Variants in GABRB1 observed in about 807,000 individuals in gnomAD.
The protein encoded by GABRB1 is gamma-aminobutyric acid type A receptor subunit beta1, also known as gamma-aminobutyric acid receptor subunit beta-1.
Under a neutral mutation model 51.6 loss-of-function variants are expected in GABRB1, and 17 were observed. That is an observed-to-expected ratio of 0.33 (90% confidence interval 0.23 to 0.49). GABRB1 has a LOEUF of 0.49. GABRB1 is among the 20% of genes least tolerant of loss of function. The pLI, the probability that GABRB1 is intolerant of heterozygous loss-of-function variation, is 0.99. For synonymous variants in GABRB1, 247 were observed against 218.9 expected (o/e 1.13, Z -1.14); for missense variants, 410 against 600.6 (o/e 0.68, Z 3.32).
intron 4 of GABRB1, among the ~76,000 whole-genome samples, chr4:47,188,035 C>T (rs534666918): frequency 1.8e-4 from 27 of 151,894 alleles, no homozygotes; most frequent in African/African-American, 5.6e-4. Context: ...TTTCAAATCA[C>T]GTATTTGTTG....
chr4:47,032,940 G>GA, intron 3 of GABRB1: 36 of 335,110 alleles, frequency 1.1e-4, no homozygotes, highest in Non-Finnish European at 1.8e-4. Context: ...CCAAGGCCCT[G>GA]CCACCGAGAG....
intron 3 of GABRB1, among the ~76,000 whole-genome samples, chr4:47,132,669 C>T (rs772954200): frequency 3.3e-5 from 5 of 152,128 alleles, no homozygotes; most frequent in Non-Finnish European, 7.4e-5. Context: ...ATACTGGAAA[C>T]GCTCAACGAA....
At chr4:47,252,455 C>G (rs1268390341) in intron 4 of GABRB1, among the ~76,000 whole-genome samples, 1 of 150,318 alleles carries the variant, frequency 6.7e-6, no homozygotes, top group Non-Finnish European at 1.5e-5. Context: ...TGCAGTCAAT[C>G]TGGAGCTAAA....
Position 47,426,168 on chromosome 4 carries a change from A to T in GABRB1, c.*150A>T. The T allele has an allele frequency of 1.8e-6, 1 of 558,796 alleles. No homozygotes were observed. Among genetic ancestry groups the T allele is most frequent in the East Asian group, 3.1e-5 (1 of 32,446 alleles). 34.6% of individuals were successfully genotyped at this position (558,796 alleles called of 1,614,324 possible). On this transcript the variant is annotated 3_prime_UTR_variant, in exon 9 of 9. Transcript: ENST00000295454. ...TCTTGCATATCAGTTTTATTACTGC[A>T]CCATGTTTACTTCAAAAAGACAAAA...
At chr4:47,206,873 TG>T (rs1720146811) in intron 4 of GABRB1, among the ~76,000 whole-genome samples, 1 of 151,574 alleles carries the variant, frequency 6.6e-6, no homozygotes, top group Non-Finnish European at 1.5e-5. Flanking sequence ...TATATGTGTG[TG>T]TGTATGTATA....
intron 4 of GABRB1, among the ~76,000 whole-genome samples, chr4:47,285,913 G>A (rs1723494087): frequency 6.6e-6 from 1 of 152,184 alleles, no homozygotes; most frequent in African/African-American, 2.4e-5. Context: ...AACTGCTAGG[G>A]AAAAGGGAGG....
chr4:47,189,957 C>T (rs2109781620), intron 4 of GABRB1, among the ~76,000 whole-genome samples: 1 of 151,992 alleles, frequency 6.6e-6, no homozygotes, highest in South Asian at 2.1e-4. Flanking sequence ...GTCCAGTGGC[C>T]CATCTTTTTA....
At chr4:47,273,860 T>TACATAC (rs1553869399) in intron 4 of GABRB1, among the ~76,000 whole-genome samples, 3 of 48,676 alleles carry the variant, frequency 6.2e-5, no homozygotes, top group Non-Finnish European at 1.2e-4. Flanking sequence ...AAACCATATA[T>TACATAC]ACATACACAC....
chr4:47,021,711 A>G (rs1361630781), intron 1 of GABRB1, among the ~76,000 whole-genome samples: 1 of 152,100 alleles, frequency 6.6e-6, no homozygotes, highest in Non-Finnish European at 1.5e-5. Context: ...ATAGCAAAAC[A>G]GTTGATAATA....
At chr4:47,239,325 C>T (rs958420199) in intron 4 of GABRB1, among the ~76,000 whole-genome samples, 7 of 152,080 alleles carry the variant, frequency 4.6e-5, no homozygotes, top group African/African-American at 1.7e-4. Context: ...ATATTCTATC[C>T]ATTGTGTGAA....
intron 8 of GABRB1, among the ~76,000 whole-genome samples, chr4:47,415,469 T>C (rs377626719): frequency 2.0e-5 from 3 of 152,330 alleles, no homozygotes; most frequent in African/African-American, 7.2e-5. Context: ...TAGTTATAAT[T>C]TAAAAAAGGC....
intron 5 of GABRB1, among the ~76,000 whole-genome samples, chr4:47,385,440 T>A (rs1727758543): frequency 6.6e-6 from 1 of 152,222 alleles, no homozygotes; most frequent in Non-Finnish European, 1.5e-5. Context: ...AATTGAGATG[T>A]TTATTACATG....
chr4:47,279,080 A>AG (rs1723184291), intron 4 of GABRB1, among the ~76,000 whole-genome samples: 1 of 136,924 alleles, frequency 7.3e-6, no homozygotes, highest in Non-Finnish European at 1.6e-5. Context: ...ACTCTTTCTT[A>AG]GGAATGGATG....
chr4:47,319,100 C>G (rs1724981955), intron 4 of GABRB1, among the ~76,000 whole-genome samples: 1 of 152,018 alleles, frequency 6.6e-6, no homozygotes. Context: ...AAATGTACTA[C>G]AATTGTGTGG....
intron 5 of GABRB1, among the ~76,000 whole-genome samples, chr4:47,331,397 G>A (rs1162925508): frequency 1.3e-5 from 2 of 152,020 alleles, no homozygotes; most frequent in Non-Finnish European, 2.9e-5. Flanking sequence ...AATTAGTTTT[G>A]CAATCAACTT....
chr4:47,385,980 C>T (rs1045869358), intron 5 of GABRB1, among the ~76,000 whole-genome samples: 4 of 152,198 alleles, frequency 2.6e-5, no homozygotes, highest in African/African-American at 9.6e-5. Flanking sequence ...TTCATGCCCT[C>T]TCCAGGCATG....
intron 4 of GABRB1, among the ~76,000 whole-genome samples, chr4:47,236,022 T>A (rs1427651757): frequency 6.6e-6 from 1 of 152,146 alleles, no homozygotes; most frequent in African/African-American, 2.4e-5. Context: ...ATGCTTTTTT[T>A]AAACTTCATG....
In GABRB1 at chr4:47,032,452, G is replaced by T. The variant is rs778745562; in HGVS notation, c.208G>T (p.Ala70Ser). ...PVDVGMRIDV[A>S]SIDMVSEVNM... ...CGACGTTGGGATGCGGATCGATGTCGCCAGCATAGACATGGTCTCCGAAGT... is the reference window on the plus strand; with the variant it reads ...CGACGTTGGGATGCGGATCGATGTCTCCAGCATAGACATGGTCTCCGAAGT... Residue 70 changes from alanine (A) to serine (S), a missense_variant, in exon 3 of 9, where the codon GCC (alanine) becomes TCC (serine). Physicochemically the swap from Ala to Ser is moderately conservative, Grantham distance 99. Transcript: ENST00000295454. 2 of 1,607,112 alleles carry T rather than the reference G, an allele frequency of 1.2e-6. No homozygotes were observed. The highest frequency in any genetic ancestry group is 2.2e-5 in the South Asian group (2 of 90,326).
rs142047224 is a variant in GABRB1 at position 47,363,490 on chromosome 4, G to C, written c.545-39828G>C. Among the ~76,000 whole-genome samples the C allele has an allele frequency of 9.1e-3, 1,390 of 152,102 alleles. 20 individuals carry two copies. Among genetic ancestry groups the C allele is most frequent in the African/African-American group, 0.032 (1,334 of 41,504 alleles). ...ACTCTGATTGCAGGATCCTGAAACA[G>C]CTATCCCAGGGTTAAAAAGAGGGAG... On this transcript the variant is annotated intron_variant, in intron 5 of 8. Coordinates refer to ENST00000295454, the MANE Select transcript of GABRB1 (RefSeq NM_000812.4).
Sources: allele counts gnomAD v4.1 joint callset (sites outside exome capture counted in the v4.1 genomes callset), GRCh38; gene constraint gnomAD v4.1.1; transcripts MANE v1.5; gene names NCBI Gene and HGNC (gene_info 2026-07-23, HGNC 2026-07-21).